Variants in GLIPR1L1 observed in about 807,000 individuals in gnomAD.
GLIPR1L1 encodes GLIPR1-like protein 1.
Under a neutral mutation model 29.9 loss-of-function variants are expected in GLIPR1L1, and 26 were observed. The observed-to-expected ratio is 0.87, with a 90% CI of 0.64 to 1.21. The LOEUF is 1.21. Ranked by LOEUF, GLIPR1L1 falls within the 50% of genes most tolerant of loss-of-function variation. GLIPR1L1 has a pLI of 0.00. For synonymous variants in GLIPR1L1, 77 were observed against 97.5 expected, an observed-to-expected ratio of 0.79 and a Z score of 1.24; for missense variants, 305 against 290.3, an observed-to-expected ratio of 1.05 and a Z score of -0.37.
intron 4 of GLIPR1L1, chr12:75,369,422 A>G: frequency 1.6e-6 from 1 of 627,930 alleles, no homozygotes; most frequent in South Asian, 7.0e-5. Flanking sequence ...AGCTAGAATC[A>G]TGCTGAATAC....
Position 75,363,176 on chromosome 12 carries a change from TA to T in GLIPR1L1, c.599del (p.Lys200ArgfsTer18). 1 of 1,524,296 alleles carries T rather than the reference TA, an allele frequency of 6.6e-7. No homozygotes were observed. Among genetic ancestry groups the T allele is most frequent in the Non-Finnish European group, 8.8e-7 (1 of 1,137,888 alleles). The allele number at this position is 1,524,296 out of a possible 1,614,324, so 94.4% of individuals were successfully genotyped here. A position where few individuals can be genotyped will look rare whatever the true frequency, so the allele number is the denominator to read the frequency against. On this transcript the variant is annotated frameshift_variant, in exon 4 of 6. Coordinates refer to ENST00000378695, the MANE Select transcript of GLIPR1L1 (RefSeq NM_001304964.2). LOFTEE classifies it low-confidence loss of function (END_TRUNC). ...CSLCSKEEKC[V>X]KNLCRTPQLI... ...CTCTGCTCAAAAGAAGAGAAATGTG[TA>T]AAGAACCTCTGCAGTAAGCAAAAAT...
chr12:75,336,217 T>A (rs1331332908), intron 1 of GLIPR1L1, among the ~76,000 whole-genome samples: 3 of 151,784 alleles, frequency 2.0e-5, no homozygotes, highest in African/African-American at 4.8e-5. Context: ...TACAAAGAAG[T>A]AGAGCTAAAA....
chr12:75,357,004 G>C (rs992717539), intron 3 of GLIPR1L1, among the ~76,000 whole-genome samples: 16 of 152,070 alleles, frequency 1.1e-4, no homozygotes, highest in African/African-American at 3.4e-4. Flanking sequence ...CCTAGCAACA[G>C]AGTGAGACTG....
chr12:75,343,750 G>T lies in GLIPR1L1; in HGVS notation c.232G>T (p.Glu78Ter). The change falls in exon 2 of 6, where the codon GAA (glutamate) becomes TAA (stop). Residue 78 changes from glutamate (E) to a stop codon, truncating the protein, a stop_gained. Coordinates refer to ENST00000378695, the MANE Select transcript of GLIPR1L1 (RefSeq NM_001304964.2). LOFTEE classifies it high-confidence loss of function. ...AKAWANQCKF[E>*]HNDCLDKSYK... ...AGCATGGGCAAACCAGTGCAAATTT[G>T]AACATAATGACTGTTTGGATAAATC... is the stretch of plus-strand genomic sequence containing the variant. The T allele has an allele frequency of 1.2e-6, 2 of 1,612,668 alleles. No individual in the cohort carries two copies. Among genetic ancestry groups the T allele is most frequent in the South Asian group, 2.2e-5 (2 of 90,982 alleles).
intron 3 of GLIPR1L1, among the ~76,000 whole-genome samples, chr12:75,349,790 C>T (rs923792274): frequency 2.0e-5 from 3 of 151,822 alleles, no homozygotes; most frequent in Non-Finnish European, 4.4e-5. Flanking sequence ...CCATGATTGC[C>T]TTGAGAAACA....
At chr12:75,335,974 C>A (rs958860955) in intron 1 of GLIPR1L1, among the ~76,000 whole-genome samples, 1 of 151,774 alleles carries the variant, frequency 6.6e-6, no homozygotes, top group Non-Finnish European at 1.5e-5. Context: ...CTTTATATTT[C>A]TTTTGTACTC....
chr12:75,370,265 A>G lies in GLIPR1L1; in HGVS notation c.*89A>G, dbSNP rs765579639. On this transcript the variant is annotated 3_prime_UTR_variant, in exon 6 of 6. Coordinates refer to ENST00000378695, the MANE Select transcript of GLIPR1L1 (RefSeq NM_001304964.2). ...TAACTTATCATCACTTTGCTTCTTT[A>G]CTGAATCTTCTACACTCTTGCCTGA... 1.4e-5 allele frequency: 10 copies of G among 723,458 alleles called. No homozygotes were observed. Among genetic ancestry groups the G allele is most frequent in the Non-Finnish European group, 2.1e-5 (9 of 419,684 alleles). The allele number at this position is 723,458 out of a possible 1,614,324, so 44.8% of individuals were successfully genotyped here.
intron 3 of GLIPR1L1, among the ~76,000 whole-genome samples, chr12:75,352,788 C>A (rs112677850): frequency 1.4e-4 from 21 of 151,860 alleles, no homozygotes; most frequent in African/African-American, 4.6e-4. Context: ...GAACTGAAAT[C>A]ATAACAGTCT....
At chr12:75,366,697 T>C in intron 4 of GLIPR1L1, 1 of 547,194 alleles carries the variant, frequency 1.8e-6, no homozygotes, top group East Asian at 3.1e-5. Context: ...GGTTTTTTTG[T>C]GTTGCAGATC....
At chr12:75,337,461 C>T (rs1280403788) in intron 1 of GLIPR1L1, among the ~76,000 whole-genome samples, 3 of 151,698 alleles carry the variant, frequency 2.0e-5, no homozygotes, top group East Asian at 1.9e-4. Context: ...ATATTTTGAA[C>T]AAATTTATAC....
intron 3 of GLIPR1L1, among the ~76,000 whole-genome samples, chr12:75,354,181 C>A (rs2042999759): frequency 6.7e-6 from 1 of 149,626 alleles, no homozygotes; most frequent in African/African-American, 2.5e-5. Flanking sequence ...GGGGGGTATT[C>A]AAATAGGAAA....
chr12:75,352,343 G>T (rs764055557), intron 3 of GLIPR1L1, among the ~76,000 whole-genome samples: 5 of 152,114 alleles, frequency 3.3e-5, no homozygotes, highest in Non-Finnish European at 5.9e-5. Context: ...AAAAAGCAGA[G>T]GTTGAAATCC....
chr12:75,357,492 C>T (rs1205935733), intron 3 of GLIPR1L1, among the ~76,000 whole-genome samples: 3 of 151,946 alleles, frequency 2.0e-5, no homozygotes, highest in Non-Finnish European at 4.4e-5. Flanking sequence ...TAGAGTTGAA[C>T]ACTCTCAAGC....
At chr12:75,367,576 GTTA>G (rs1357000263) in intron 4 of GLIPR1L1, among the ~76,000 whole-genome samples, 4 of 151,892 alleles carry the variant, frequency 2.6e-5, no homozygotes, top group African/African-American at 9.7e-5. Flanking sequence ...TATATTTGTA[GTTA>G]TTATAAATAT....
intron 3 of GLIPR1L1, among the ~76,000 whole-genome samples, chr12:75,352,795 G>A (rs2042900048): frequency 1.3e-5 from 2 of 151,724 alleles, no homozygotes; most frequent in African/African-American, 4.8e-5. Context: ...AATCATAACA[G>A]TCTCTCAGAA....
At chr12:75,340,205 G>T (rs1179861753) in intron 1 of GLIPR1L1, among the ~76,000 whole-genome samples, 1 of 150,790 alleles carries the variant, frequency 6.6e-6, no homozygotes, top group Non-Finnish European at 1.5e-5. Context: ...CTTATTGGTT[G>T]ATGGGCATTT....
At chr12:75,335,773 G>A (rs1000764281) in intron 1 of GLIPR1L1, among the ~76,000 whole-genome samples, 2 of 151,994 alleles carry the variant, frequency 1.3e-5, no homozygotes, top group Admixed American at 1.3e-4. Flanking sequence ...CTTTAATGCA[G>A]AATTGTTAAG....
intron 2 of GLIPR1L1, 85 bp from the exon 3 acceptor site, chr12:75,347,537 G>A (rs889867191): frequency 2.6e-6 from 2 of 773,582 alleles, no homozygotes; most frequent in Non-Finnish European, 4.3e-6. Flanking sequence ...TTTGTAGCAT[G>A]ACAAAGATTA....
chr12:75,345,416 T>G (rs1399233568), intron 2 of GLIPR1L1, among the ~76,000 whole-genome samples: 3 of 152,166 alleles, frequency 2.0e-5, no homozygotes, highest in African/African-American at 7.2e-5. Flanking sequence ...ACTTTAATCC[T>G]AGACATGGTA....
Sources: allele counts gnomAD v4.1 joint callset (sites outside exome capture counted in the v4.1 genomes callset), GRCh38; gene constraint gnomAD v4.1.1; transcripts MANE v1.5; gene names NCBI Gene and HGNC (gene_info 2026-07-23, HGNC 2026-07-21).